Variants in CRYM observed in about 807,000 individuals in gnomAD.
CRYM encodes the protein crystallin mu.
A neutral mutation model predicts 32.9 loss-of-function variants in CRYM; 18 were observed. The ratio of observed to expected loss-of-function variants is 0.55; its 90% confidence interval spans 0.38 to 0.81. The LOEUF (loss-of-function observed/expected upper bound fraction) is 0.81. CRYM is among the 30% of genes least tolerant of loss of function. CRYM has a pLI of 0.00. For missense variants in CRYM, 337 were observed against 393.5 expected (o/e 0.86, Z 1.21); for synonymous variants, 153 against 152.4 (o/e 1.00, Z -0.03).
rs1012836206 is a variant in CRYM, at chr16:21,258,600, T to C, written c.*181A>G. 1.2e-5 allele frequency: 8 copies of C among 652,820 alleles called. No homozygotes were observed. The East Asian group carries it at 2.2e-4, about 18-fold the overall frequency. The allele number at this position is 652,820 out of a possible 1,614,324, so 40.4% of individuals were successfully genotyped here. A position where few individuals can be genotyped will look rare whatever the true frequency, so the allele number is the denominator to read the frequency against. Reference sequence around the variant, plus strand: ...TTATAACTTGGTAGAACAGAAGAAATGGCTACCTAGCTTTGCTTTCCAACT... The same window carrying C: ...TTATAACTTGGTAGAACAGAAGAAACGGCTACCTAGCTTTGCTTTCCAACT... On this transcript the variant is annotated 3_prime_UTR_variant, in exon 8 of 8. Transcript: ENST00000572914.
chr16:21,264,345 G>C (rs2093359984), intron 5 of CRYM, among the ~76,000 whole-genome samples: 1 of 152,202 alleles, frequency 6.6e-6, no homozygotes, highest in Non-Finnish European at 1.5e-5. Flanking sequence ...CTGCTTATGA[G>C]CCGGGCGAGT....
At chr16:21,276,377 G>C (rs375993786) in intron 2 of CRYM, among the ~76,000 whole-genome samples, 1 of 152,202 alleles carries the variant, frequency 6.6e-6, no homozygotes, top group South Asian at 2.1e-4. Flanking sequence ...ATGAGTGTAA[G>C]TTGGGGAAAG....
Position 21,277,331 on chromosome 16 carries a change from GTA to G in CRYM, c.324+98_324+99del. ...TCCAGTCACTTGCAGAGGGGCACGC[GTA>G]GTCACAATCAAGACTCCCCCTGCTG... On this transcript the variant is annotated intron_variant, in intron 2 of 7. Coordinates refer to ENST00000572914, the MANE Select transcript of CRYM (RefSeq NM_001376256.1). This position sits in a 1 kb window ranked among gnomAD's most constrained non-coding sequence, Gnocchi z 4.2. The G allele has an allele frequency of 7.9e-7, 1 of 1,267,318 alleles. No individual in the cohort carries two copies. The highest frequency in any genetic ancestry group is 1.1e-6 in the Non-Finnish European group (1 of 893,824). 78.5% of individuals were successfully genotyped at this position (1,267,318 alleles called of 1,614,324 possible).
chr16:21,272,816 ATTTTTTTTTTTT>A (rs60416570), intron 3 of CRYM, among the ~76,000 whole-genome samples: 47 of 42,320 alleles, frequency 1.1e-3, no homozygotes, highest in African/African-American at 3.4e-3. Flanking sequence ...TGCCCAGCTA[ATTTTTTTTTTTT>A]TTTTTTTTTT....
intron 1 of CRYM, among the ~76,000 whole-genome samples, chr16:21,302,070 AAC>A (rs1326562496): frequency 1.3e-5 from 2 of 152,244 alleles, no homozygotes; most frequent in African/African-American, 2.4e-5. Context: ...TCCCCCCGCC[AAC>A]ACACACACAC....
chr16:21,278,767 C>T (rs2093392860), upstream of CRYM: 1 of 162,840 alleles, frequency 6.1e-6, no homozygotes, highest in Non-Finnish European at 1.3e-5. Flanking sequence ...TCTAGAGTCT[C>T]TTATCCTAGT....
In CRYM at chr16:21,290,574, C is replaced by T. The variant is rs116503818; in HGVS notation, c.-192-11614G>A. On this transcript the variant is annotated intron_variant, in intron 1 of 9. Coordinates refer to the CRYM transcript ENST00000219599. ...AGGGAACCAATTCTGGCCACAAAAG[C>T]ATCTTACAAATATGCTTTTTGCTCA... Among the ~76,000 whole-genome samples, 506 of 152,334 alleles carry T rather than the reference C, an allele frequency of 3.3e-3. 4 individuals carry two copies. Among genetic ancestry groups the T allele is most frequent in the African/African-American group, 0.012 (490 of 41,584 alleles).
chr16:21,277,437 C>T lies in CRYM; in HGVS notation c.318G>A (p.Leu106=). The change falls in exon 2 of 8, where the codon CTG becomes CTA. Residue 106 remains leucine (L), a synonymous_variant. Coordinates refer to ENST00000572914, the MANE Select transcript of CRYM (RefSeq NM_001376256.1). The surrounding 1 kb of genome is among the most constrained non-coding windows in gnomAD (Gnocchi z 4.2). ...GGGACAGGAAGTTGCTCACCGCCAG[C>T]AGGGTGCCATTGCTGGGCTCAAAGA... The part of the protein sequence containing the change: ...VLLFEPSNGT[L]LAVMDGNVIT... The T allele has an allele frequency of 3.1e-6, 5 of 1,613,178 alleles. No individual in the cohort carries two copies. The highest frequency in any genetic ancestry group is 4.2e-6 in the Non-Finnish European group (5 of 1,179,918).
At chr16:21,290,762 A>G (rs1461082388) in intron 1 of CRYM, among the ~76,000 whole-genome samples, 3 of 152,166 alleles carry the variant, frequency 2.0e-5, no homozygotes, top group African/African-American at 7.2e-5. Flanking sequence ...CTCAGCATCA[A>G]GTTTGTTTCT....
At chr16:21,296,578 C>G (rs558199862) in intron 1 of CRYM, among the ~76,000 whole-genome samples, 1 of 152,284 alleles carries the variant, frequency 6.6e-6, no homozygotes, top group East Asian at 1.9e-4. Context: ...TTCTAATAAA[C>G]TACTTCACTT....
At chr16:21,294,008 C>T (rs546486417) in intron 1 of CRYM, among the ~76,000 whole-genome samples, 14 of 152,266 alleles carry the variant, frequency 9.2e-5, no homozygotes, top group Admixed American at 1.3e-4. Flanking sequence ...AACTGGAGAA[C>T]AATTTGTCAG....
chr16:21,264,156 T>G (rs1358541169), intron 5 of CRYM, among the ~76,000 whole-genome samples: 1 of 152,206 alleles, frequency 6.6e-6, no homozygotes, highest in Non-Finnish European at 1.5e-5. Context: ...TCTCCCTCAT[T>G]CTAATTTCCA....
At chr16:21,282,327 T>G (rs962579277), upstream of CRYM, among the ~76,000 whole-genome samples, 1 of 152,176 alleles carries the variant, frequency 6.6e-6, no homozygotes, top group Non-Finnish European at 1.5e-5. Context: ...ATAGACAGCA[T>G]GAAAACGGAA....
At chr16:21,302,060 TCC>T (rs1002923245) in intron 1 of CRYM, among the ~76,000 whole-genome samples, 5 of 151,956 alleles carry the variant, frequency 3.3e-5, no homozygotes, top group Non-Finnish European at 7.4e-5. Context: ...GACTTCCTCA[TCC>T]CCCCGCCAAC....
At chr16:21,265,407 G>A (rs966117106) in intron 5 of CRYM, among the ~76,000 whole-genome samples, 1 of 152,140 alleles carries the variant, frequency 6.6e-6, no homozygotes, top group Non-Finnish European at 1.5e-5. Context: ...ATCTTAGAGA[G>A]CTTCTCAGAT....
intron 1 of CRYM, among the ~76,000 whole-genome samples, chr16:21,301,683 C>G (rs1216668750): frequency 6.6e-6 from 1 of 152,242 alleles, no homozygotes; most frequent in African/African-American, 2.4e-5. Context: ...CTCCTGCCTT[C>G]CGCACCGCTG....
chr16:21,261,220 G>GTTGGAT, intron 7 of CRYM, 34 bp downstream of exon 7: 1 of 1,547,192 alleles, frequency 6.5e-7, no homozygotes, highest in South Asian at 1.1e-5. Flanking sequence ...TTGTGCGCTA[G>GTTGGAT]TTGGATTTGT....
In CRYM at chr16:21,261,269, C is replaced by T. The variant is rs199720462; in HGVS notation, c.865G>A (p.Val289Met). The change falls in exon 7 of 8, where the codon GTG (valine) becomes ATG (methionine). Residue 289 changes from valine to methionine, a missense_variant. Val to Met is a conservative substitution (Grantham distance 21, BLOSUM62 1). Coordinates refer to ENST00000572914, the MANE Select transcript of CRYM (RefSeq NM_001376256.1). ...VKPAHCEKTT[V>M]FKSLGMAVED... is the part of the protein sequence containing the mutation. ...TGGATCTTACCCAAAGACTTGAACACGGTGGTCTTCTCACAGTGGGCTGGT... is the reference window on the plus strand; with the variant it reads ...TGGATCTTACCCAAAGACTTGAACATGGTGGTCTTCTCACAGTGGGCTGGT... 7 of 1,613,766 alleles carry T rather than the reference C, an allele frequency of 4.3e-6. No homozygotes were observed. The Admixed American group carries it at 5.0e-5, about 12-fold the overall frequency.
At chr16:21,278,380 A>G, upstream of CRYM, 2 of 1,215,762 alleles carry the variant, frequency 1.6e-6, no homozygotes, top group Non-Finnish European at 2.3e-6. Context: ...CCGGGGGCGG[A>G]GCAACCCCGC....
Sources: allele counts gnomAD v4.1 joint callset (sites outside exome capture counted in the v4.1 genomes callset), GRCh38; gene constraint gnomAD v4.1.1; non-coding constraint Gnocchi (gnomAD v3.1); transcripts MANE v1.5; gene names NCBI Gene and HGNC (gene_info 2026-07-23, HGNC 2026-07-21).